NT5DC4: variants seen among roughly 807,000 people sequenced by gnomAD.
NT5DC4 encodes 5'-nucleotidase domain containing 4, also known as 5'-nucleotidase domain-containing protein 4.
NT5DC4 carries 44 observed loss-of-function variants against 26.6 expected under a neutral mutation model. That is an observed-to-expected ratio of 1.65 (90% CI 1.30 to 2.13). The LOEUF (loss-of-function observed/expected upper bound fraction) is 2.13, where lower values mean the gene tolerates loss of function less well. Ranked by LOEUF, NT5DC4 falls within the 30% of genes most tolerant of loss-of-function variation. The pLI is 0.00. For missense variants in NT5DC4, 399 were observed against 228.1 expected (o/e 1.75, Z -4.83); for synonymous variants, 157 against 86.7 (o/e 1.81, Z -4.51).
At chr2:112,719,987 TTTTTC>T (rs1195865998), upstream of NT5DC4, among the ~76,000 whole-genome samples, 28 of 129,982 alleles carry the variant, frequency 2.2e-4, no homozygotes, top group African/African-American at 8.1e-4. Flanking sequence ...TCTTTCTTTC[TTTTTC>T]TTTTCTTTTC....
chr2:112,725,713 C>T (rs913501340), intron 13 of NT5DC4, among the ~76,000 whole-genome samples, 161 bp downstream of exon 13: 3 of 152,164 alleles, frequency 2.0e-5, no homozygotes, highest in Non-Finnish European at 4.4e-5. Flanking sequence ...GACATACAGA[C>T]CCAGAGAGGC....
At chr2:112,719,965 TC>T (rs879726107), upstream of NT5DC4, among the ~76,000 whole-genome samples, 3,040 of 129,590 alleles carry the variant, frequency 0.023, 73 homozygotes, top group Non-Finnish European at 0.035. Context: ...TTTCTTTCTT[TC>T]TTTCTTTCTT....
intron 8 of NT5DC4, 36 bp downstream of exon 8, chr2:112,723,504 C>T: frequency 1.4e-6 from 1 of 715,934 alleles, no homozygotes; most frequent in South Asian, 1.5e-5. Flanking sequence ...TGGCCATCAC[C>T]CCCAAAGCAG....
intron 16 of NT5DC4, chr2:112,731,145 T>C (rs1678441376): frequency 6.6e-6 from 1 of 151,872 alleles, no homozygotes. Flanking sequence ...ATCCTGGACA[T>C]GGGCTGGCAT....
intron 16 of NT5DC4, chr2:112,736,545 T>G (rs1023216745): frequency 6.6e-6 from 1 of 152,218 alleles, no homozygotes; most frequent in Non-Finnish European, 1.5e-5. Flanking sequence ...TAGCCCTATC[T>G]CTAGACTTGT....
At position 112,724,367 on chromosome 2, in the gene NT5DC4, G is replaced by A. The variant is rs79015426; in HGVS notation, c.789+241G>A. ...AGGAGGCAGTCAGGTATGTGGGGACGGGCGGCAGAAAGTGGGTGAGACGAG... is the reference window on the plus strand; with the variant it reads ...AGGAGGCAGTCAGGTATGTGGGGACAGGCGGCAGAAAGTGGGTGAGACGAG... On this transcript the variant is annotated intron_variant, in intron 10 of 16. Transcript: ENST00000688554. 2,186 of 592,088 alleles carry A rather than the reference G, an allele frequency of 3.7e-3. 71 individuals carry two copies. In the East Asian group the frequency reaches 0.056, roughly 15 times the overall value. 36.7% of individuals were successfully genotyped at this position (592,088 alleles called of 1,614,324 possible). A position where few individuals can be genotyped will look rare whatever the true frequency, so the allele number is the denominator to read the frequency against.
At position 112,725,425 on chromosome 2, in the gene NT5DC4, G is replaced by A. The variant is rs1677577583; in HGVS notation, c.1026G>A (p.Met342Ile). 1.4e-6 allele frequency: 1 copy of A among 716,020 alleles called. No homozygotes were observed. Among genetic ancestry groups the A allele is most frequent in the Non-Finnish European group, 2.6e-6 (1 of 384,138 alleles). 44.4% of individuals were successfully genotyped at this position (716,020 alleles called of 1,614,324 possible). Residue 342 changes from methionine (M) to isoleucine (I), a missense_variant, in exon 13 of 17, where the codon ATG becomes ATA. Physicochemically the swap from Met to Ile is conservative, Grantham distance 10 (BLOSUM62 1). Coordinates refer to ENST00000688554, the MANE Select transcript of NT5DC4 (RefSeq NM_001393655.1). ...GCGAGCTGCTTGGGGTTCGGGGGAT[G>A]GACATCCTGTACATTGGGGACCACA... is the stretch of plus-strand genomic sequence containing the variant. ...MVCELLGVRG[M>I]DILYIGDHIF...
downstream of NT5DC4, chr2:112,742,446 T>C: frequency 1.4e-6 from 1 of 717,782 alleles, no homozygotes; most frequent in East Asian, 2.7e-5. Flanking sequence ...TCTTCTGCCA[T>C]CTAGGATTCC....
chr2:112,719,947 T>TTTCC (rs1676712729), upstream of NT5DC4, among the ~76,000 whole-genome samples: 1 of 115,924 alleles, frequency 8.6e-6, no homozygotes, highest in Non-Finnish European at 1.7e-5. Flanking sequence ...TCTTTCTTTC[T>TTTCC]TTCTTTCTTT....
At chr2:112,718,909 C>A (rs1450014042), upstream of NT5DC4, among the ~76,000 whole-genome samples, 3 of 152,220 alleles carry the variant, frequency 2.0e-5, no homozygotes, top group East Asian at 5.8e-4. Context: ...TCCATTCACT[C>A]ATTCATGCAT....
intron 16 of NT5DC4, among the ~76,000 whole-genome samples, chr2:112,735,470 T>C (rs1679026961): frequency 1.4e-5 from 2 of 147,026 alleles, no homozygotes; most frequent in South Asian, 4.3e-4. Flanking sequence ...ACAGAGATGC[T>C]ATATATAATC....
chr2:112,734,167 A>ATGTGTGTGTGTGTGTGTG (rs1380428965), intron 16 of NT5DC4, among the ~76,000 whole-genome samples: 23 of 5,252 alleles, frequency 4.4e-3, no homozygotes, highest in African/African-American at 9.3e-3. Flanking sequence ...GCTATTATAT[A>ATGTGTGTGTGTGTGTGTG]TATGTGTGTG....
At chr2:112,726,984 A>C (rs1430885238) in intron 15 of NT5DC4, 2 of 561,496 alleles carry the variant, frequency 3.6e-6, no homozygotes, top group Non-Finnish European at 6.4e-6. Flanking sequence ...CTCCAGTCCC[A>C]CAGTCTTTGC....
chr2:112,727,130 T>G, intron 15 of NT5DC4: 1 of 226,444 alleles, frequency 4.4e-6, no homozygotes, highest in Non-Finnish European at 9.2e-6. Context: ...AGTGTTCCCT[T>G]GTGGCATTAC....
intron 5 of NT5DC4, 26 bp from the exon 6 acceptor site, chr2:112,722,688 C>A: frequency 1.4e-6 from 1 of 717,600 alleles, no homozygotes; most frequent in Non-Finnish European, 2.6e-6. Flanking sequence ...CCTGGGCTGA[C>A]AACTGACCAT....
At position 112,738,977 on chromosome 2, in the gene NT5DC4, C is replaced by T. The variant is rs116342308; in HGVS notation, c.*41C>T. 0.011 allele frequency: 17,750 copies of T among 1,614,184 alleles called. 125 individuals are homozygous for T. Among genetic ancestry groups the T allele is most frequent in the Non-Finnish European group, 0.013 (15,481 of 1,180,032 alleles). On this transcript the variant is annotated 3_prime_UTR_variant, in exon 17 of 17. Coordinates refer to ENST00000688554, the MANE Select transcript of NT5DC4 (RefSeq NM_001393655.1). ...CATTTCTGGGTAGCGGGACACTGCTCGCTCAATCCTCGACGAACGCCGTAC... is the reference window on the plus strand; with the variant it reads ...CATTTCTGGGTAGCGGGACACTGCTTGCTCAATCCTCGACGAACGCCGTAC...
At chr2:112,741,090 C>A, downstream of NT5DC4, 6 of 877,304 alleles carry the variant, frequency 6.8e-6, no homozygotes, top group Non-Finnish European at 1.1e-5. Context: ...AAAATACATA[C>A]ATACAATGAT....
At chr2:112,740,527 G>A (rs1260094044), downstream of NT5DC4, among the ~76,000 whole-genome samples, 1 of 152,194 alleles carries the variant, frequency 6.6e-6, no homozygotes, top group Admixed American at 6.5e-5. Context: ...CAGCTACAGA[G>A]TTTGCTCCCG....
intron 13 of NT5DC4, 112 bp from the exon 14 acceptor site, chr2:112,726,126 C>T (rs575302904): frequency 1.7e-5 from 12 of 688,866 alleles, no homozygotes; most frequent in African/African-American, 5.3e-5. Flanking sequence ...GTGTTATGCA[C>T]ACAGCTCAGG....
Sources: gnomAD v4.1 joint callset for allele counts (sites outside exome capture counted in the v4.1 genomes callset) on GRCh38, gnomAD v4.1.1 for gene constraint, MANE v1.5 for transcripts, NCBI Gene and HGNC (gene_info 2026-07-23, HGNC 2026-07-21) for gene names.